PDE3B: variants seen among roughly 807,000 people sequenced by gnomAD.
The protein encoded by PDE3B is phosphodiesterase 3B.
Under a neutral mutation model 116.8 loss-of-function variants are expected in PDE3B, and 66 were observed. The ratio of observed to expected loss-of-function variants is 0.56; its 90% CI spans 0.46 to 0.69. The LOEUF (loss-of-function observed/expected upper bound fraction) is 0.69. PDE3B is among the 30% of genes least tolerant of loss of function. The pLI is 0.00. For synonymous variants in PDE3B, 595 were observed against 533.6 expected (o/e 1.12, Z -1.59); for missense variants, 1,384 against 1,368.1 (o/e 1.01, Z -0.18).
At chr11:14,820,786 G>A (rs1182419491) in intron 7 of PDE3B, among the ~76,000 whole-genome samples, 1 of 152,092 alleles carries the variant, frequency 6.6e-6, no homozygotes, top group Non-Finnish European at 1.5e-5. Context: ...TGTGAAATCG[G>A]TAGTCTGCAA....
At chr11:14,778,717 A>G (rs954971084) in intron 2 of PDE3B, among the ~76,000 whole-genome samples, 2 of 152,224 alleles carry the variant, frequency 1.3e-5, no homozygotes, top group Admixed American at 6.5e-5. Flanking sequence ...ATGGGGAGAA[A>G]CCAGAGCAGA....
At chr11:14,695,360 G>A (rs953135036) in intron 1 of PDE3B, among the ~76,000 whole-genome samples, 5 of 151,918 alleles carry the variant, frequency 3.3e-5, no homozygotes, top group Non-Finnish European at 5.9e-5. Context: ...GTTTATGGAC[G>A]TTTGGATTAT....
In PDE3B at chr11:14,738,511, T is replaced by G. The variant is rs529228892; in HGVS notation, c.979-33426T>G. ...TAAGTTCTTTGTAGATTCTGAATATTAGCCCTTTGTTAGATGGATAGATTG... is the reference window on the plus strand; with the variant it reads ...TAAGTTCTTTGTAGATTCTGAATATGAGCCCTTTGTTAGATGGATAGATTG... On this transcript the variant is annotated intron_variant, in intron 1 of 15. Transcript: ENST00000282096. Among the ~76,000 whole-genome samples, 12 of 152,380 alleles carry G rather than the reference T, an allele frequency of 7.9e-5. No homozygotes were observed. The South Asian group carries it at 2.5e-3, about 32-fold the overall frequency.
chr11:14,884,450 C>T, the PDE3B span, among the ~76,000 whole-genome samples: 1 of 147,034 alleles, frequency 6.8e-6, no homozygotes, highest in Non-Finnish European at 1.5e-5. Flanking sequence ...CCAAACACCG[C>T]ATATTCTCAC....
At chr11:14,687,146 G>A (rs1854902214) in intron 1 of PDE3B, among the ~76,000 whole-genome samples, 1 of 152,184 alleles carries the variant, frequency 6.6e-6, no homozygotes, top group Non-Finnish European at 1.5e-5. Flanking sequence ...AGAGGTATGA[G>A]AATGAATTAG....
intron 1 of PDE3B, among the ~76,000 whole-genome samples, chr11:14,665,220 C>T (rs1854092073): frequency 6.6e-6 from 1 of 152,192 alleles, no homozygotes; most frequent in Admixed American, 6.5e-5. Context: ...TTCAACAACC[C>T]TTCATGCTAA....
chr11:14,880,609 G>A, the PDE3B span: 1 of 1,611,786 alleles, frequency 6.2e-7, no homozygotes, highest in East Asian at 2.2e-5. Flanking sequence ...AAAGTCAAAA[G>A]GTCTACCTTT....
chr11:14,829,948 T>G (rs1859819315), intron 7 of PDE3B, among the ~76,000 whole-genome samples: 1 of 152,182 alleles, frequency 6.6e-6, no homozygotes, highest in African/African-American at 2.4e-5. Context: ...CTTTTTGTCT[T>G]TCATACGCTT....
chr11:14,769,795 ATTT>A (rs565891950), intron 1 of PDE3B, among the ~76,000 whole-genome samples: 10 of 133,930 alleles, frequency 7.5e-5, no homozygotes, highest in Admixed American at 1.5e-4. Context: ...AATTTTCAAG[ATTT>A]TTTTTTTTTT....
intron 1 of PDE3B, among the ~76,000 whole-genome samples, chr11:14,654,022 A>AAC (rs1454097131): frequency 6.6e-6 from 1 of 152,018 alleles, no homozygotes; most frequent in Non-Finnish European, 1.5e-5. Context: ...AAAACCCCAA[A>AAC]ACACACACAC....
intron 1 of PDE3B, among the ~76,000 whole-genome samples, chr11:14,714,315 A>G (rs545727349): frequency 6.6e-6 from 1 of 152,122 alleles, no homozygotes; most frequent in Non-Finnish European, 1.5e-5. Context: ...CCTTGGCCCT[A>G]TTTTTAGCTT....
At chr11:14,868,569 GA>G (rs1302387905) in intron 15 of PDE3B, among the ~76,000 whole-genome samples, 1 of 152,102 alleles carries the variant, frequency 6.6e-6, no homozygotes, top group African/African-American at 2.4e-5. Flanking sequence ...AATGGAAAAT[GA>G]AATGAAAATT....
intron 1 of PDE3B, among the ~76,000 whole-genome samples, chr11:14,733,050 C>T (rs767085587): frequency 2.0e-5 from 3 of 152,096 alleles, no homozygotes; most frequent in Non-Finnish European, 2.9e-5. Flanking sequence ...TTTCACAAAT[C>T]GATATACCTA....
At chr11:14,649,222 CT>C (rs1853496382) in intron 1 of PDE3B, among the ~76,000 whole-genome samples, 1 of 152,128 alleles carries the variant, frequency 6.6e-6, no homozygotes, top group South Asian at 2.1e-4. Context: ...ACCAAGTCAG[CT>C]TATTTCCCTA....
Position 14,861,509 on chromosome 11 carries a change from G to T in PDE3B, c.2886+143G>T, listed in dbSNP as rs1555007177. 4.1e-6 allele frequency: 3 copies of T among 733,056 alleles called. No individual in the cohort carries two copies. The African/African-American group carries it at 5.4e-5, about 13-fold the overall frequency. 45.4% of individuals were successfully genotyped at this position (733,056 alleles called of 1,614,324 possible). A position where few individuals can be genotyped will look rare whatever the true frequency, so the allele number is the denominator to read the frequency against. On this transcript the variant is annotated intron_variant, in intron 14 of 15. Coordinates refer to ENST00000282096, the MANE Select transcript of PDE3B (RefSeq NM_000922.4). ...GGTTAAAAATTGTTGCATTTGCTTT[G>T]GTTCTTAGTATTTTCTGTGTTCTGT...
intron 1 of PDE3B, among the ~76,000 whole-genome samples, chr11:14,690,023 G>A (rs1012557467): frequency 6.6e-6 from 1 of 152,104 alleles, no homozygotes; most frequent in Admixed American, 6.6e-5. Context: ...TCTGAATATA[G>A]ACTAGCTGTT....
rs750097841 is a variant in PDE3B, at chr11:14,819,186, CA to C, written c.1785del (p.Asp596IlefsTer46). 6.3e-7 allele frequency: 1 copy of C among 1,590,756 alleles called. No homozygotes were observed. Among genetic ancestry groups the C allele is most frequent in the Non-Finnish European group, 8.6e-7 (1 of 1,164,176 alleles). ...KYVSTSESDG[T>X]DCCSGKSGEE... ...GTTTCAACATCTGAATCAGATGGTA[CA>C]GATTGCTGCAGTGGAAAATCAGGTG... On this transcript the variant is annotated frameshift_variant, in exon 7 of 16. Coordinates refer to ENST00000282096, the MANE Select transcript of PDE3B (RefSeq NM_000922.4). LOFTEE classifies it high-confidence loss of function.
chr11:14,781,559 C>A (rs1682393656), intron 2 of PDE3B, among the ~76,000 whole-genome samples: 2 of 152,114 alleles, frequency 1.3e-5, no homozygotes, highest in South Asian at 4.1e-4. Context: ...AAGACAAAAA[C>A]CACATGATTA....
chr11:14,893,321 C>T, the PDE3B span, among the ~76,000 whole-genome samples: 4 of 152,198 alleles, frequency 2.6e-5, no homozygotes, highest in Non-Finnish European at 2.9e-5. Flanking sequence ...TGGGGAGATA[C>T]TTTAGCAGGC....
Sources: gnomAD v4.1 joint callset for allele counts (sites outside exome capture counted in the v4.1 genomes callset) on GRCh38, gnomAD v4.1.1 for gene constraint, MANE v1.5 for transcripts, NCBI Gene and HGNC (gene_info 2026-07-23, HGNC 2026-07-21) for gene names.